FGF12: variants seen among roughly 807,000 people sequenced by gnomAD.
The protein encoded by FGF12 is fibroblast growth factor 12.
Under a neutral mutation model 23.6 loss-of-function variants are expected in FGF12, and 14 were observed. The ratio of observed to expected loss-of-function variants is 0.59; its 90% confidence interval spans 0.39 to 0.93. The LOEUF (loss-of-function observed/expected upper bound fraction) is 0.93. Among genes scored for constraint, FGF12 ranks in the 40% least tolerant of loss-of-function variants. The probability of loss-of-function intolerance (pLI) is 0.00; values close to 1 mark genes in which losing one functional copy is unlikely to be tolerated. For missense variants in FGF12, 175 were observed against 217.8 expected (o/e 0.80, Z 1.24); for synonymous variants, 62 against 77.3 (o/e 0.80, Z 1.04).
At chr3:192,492,862 A>T (rs544616491) in intron 2 of FGF12, among the ~76,000 whole-genome samples, 1 of 151,848 alleles carries the variant, frequency 6.6e-6, no homozygotes, top group Non-Finnish European at 1.5e-5. Flanking sequence ...AATTTTTCCA[A>T]TTTATACACA....
chr3:192,491,785 T>C (rs1039541902), intron 2 of FGF12, among the ~76,000 whole-genome samples: 3 of 152,182 alleles, frequency 2.0e-5, no homozygotes, highest in Non-Finnish European at 4.4e-5. Flanking sequence ...TATTGTACAA[T>C]ACACTAGAGT....
intron 2 of FGF12, among the ~76,000 whole-genome samples, chr3:192,637,217 C>T (rs1715614881): frequency 6.6e-6 from 1 of 152,178 alleles, no homozygotes; most frequent in Non-Finnish European, 1.5e-5. Context: ...GCTTCTATGG[C>T]CCTCTTCTCA....
chr3:192,658,393 C>T (rs1175182231), intron 2 of FGF12, among the ~76,000 whole-genome samples: 1 of 152,186 alleles, frequency 6.6e-6, no homozygotes, highest in African/African-American at 2.4e-5. Context: ...CTTGTGAGAA[C>T]GTTCCCTTGG....
At chr3:192,170,264 A>T (rs1270932571) in intron 5 of FGF12, among the ~76,000 whole-genome samples, 194 bp downstream of exon 5, 1 of 141,062 alleles carries the variant, frequency 7.1e-6, no homozygotes, top group East Asian at 2.0e-4. Flanking sequence ...TGGGCGACAG[A>T]GCAAGACTCT....
At chr3:192,412,278 G>C (rs1721222443) in intron 2 of FGF12, among the ~76,000 whole-genome samples, 1 of 152,142 alleles carries the variant, frequency 6.6e-6, no homozygotes. Flanking sequence ...TTTTTCTGTA[G>C]GTTTATGAGA....
At chr3:192,266,107 G>T (rs960377616) in intron 4 of FGF12, among the ~76,000 whole-genome samples, 1 of 150,442 alleles carries the variant, frequency 6.6e-6, no homozygotes, top group Admixed American at 6.7e-5. Context: ...CTGGTCCTTC[G>T]AAGGCAAAAC....
chr3:192,483,902 T>C (rs976433364), intron 2 of FGF12, among the ~76,000 whole-genome samples: 1 of 152,164 alleles, frequency 6.6e-6, no homozygotes, highest in Non-Finnish European at 1.5e-5. Context: ...AACAGGCGTA[T>C]TGCTGTACAT....
intron 2 of FGF12, among the ~76,000 whole-genome samples, chr3:192,389,181 G>A (rs879566398): frequency 7.9e-5 from 12 of 152,100 alleles, no homozygotes; most frequent in Non-Finnish European, 1.3e-4. Context: ...GCAACATGGC[G>A]AAACCCCATC....
intron 4 of FGF12, among the ~76,000 whole-genome samples, chr3:192,306,863 T>C (rs139346650): frequency 3.1e-4 from 47 of 152,344 alleles, no homozygotes; most frequent in African/African-American, 1.1e-3. Context: ...TCTCATAAAA[T>C]GGGGTTGAAC....
rs368362268 is a variant in FGF12, at chr3:192,477,809, C to T, written c.14-117271G>A. Among the ~76,000 whole-genome samples the T allele has an allele frequency of 1.9e-3, 296 of 152,288 alleles. 1 individual carries two copies. The highest frequency in any genetic ancestry group is 3.4e-3 in the Middle Eastern group (1 of 294). On this transcript the variant is annotated intron_variant, in intron 2 of 5. Coordinates refer to ENST00000445105, the MANE Select transcript of FGF12 (RefSeq NM_004113.6). ...ATATTTATAATGATAGTTTAATATG[C>T]TGTTTGATCAATTATTCTTTCAGGT...
intron 2 of FGF12, among the ~76,000 whole-genome samples, chr3:192,664,697 G>A (rs62294783): frequency 0.085 from 12,947 of 151,692 alleles, 746 homozygotes; most frequent in African/African-American, 0.16. Flanking sequence ...CCTGGGAGGC[G>A]GAGGTTGCAG....
At chr3:192,714,009 G>T (rs910400627) in intron 2 of FGF12, among the ~76,000 whole-genome samples, 1 of 152,162 alleles carries the variant, frequency 6.6e-6, no homozygotes, top group South Asian at 2.1e-4. Context: ...AAACCCCATG[G>T]CGATGATTTC....
chr3:192,289,935 ATCTT>A (rs1352573086), intron 4 of FGF12, among the ~76,000 whole-genome samples: 1 of 152,160 alleles, frequency 6.6e-6, no homozygotes, highest in Admixed American at 6.6e-5. Context: ...AGGTTTTATC[ATCTT>A]TCTCTTATGG....
rs1340412389 is a variant in FGF12 at position 192,698,626 on chromosome 3, A to ACAG, written c.13+28552_13+28554dup. ...CAATTCCATTAAACCTTACTCACTG[A>ACAG]CAGTGGGAAGAAGACAAAATACAAA... On this transcript the variant is annotated intron_variant, in intron 2 of 5. Coordinates refer to ENST00000445105, the MANE Select transcript of FGF12 (RefSeq NM_004113.6). Among the ~76,000 whole-genome samples, 4 of 152,154 alleles carry ACAG rather than the reference A, an allele frequency of 2.6e-5. No homozygotes were observed. In the East Asian group the frequency reaches 7.7e-4, roughly 29 times the overall value.
intron 2 of FGF12, among the ~76,000 whole-genome samples, chr3:192,647,554 T>C (rs1015222240): frequency 1.3e-5 from 2 of 151,840 alleles, no homozygotes; most frequent in African/African-American, 2.4e-5. Flanking sequence ...AGTGGACTTA[T>C]CAATTTTTCA....
intron 4 of FGF12, among the ~76,000 whole-genome samples, chr3:192,223,552 C>T (rs577318448): frequency 5.3e-5 from 8 of 152,214 alleles, no homozygotes; most frequent in African/African-American, 1.7e-4. Context: ...ATGATGGTGA[C>T]CATACATCCA....
At chr3:192,640,561 T>C (rs13089953) in intron 2 of FGF12, among the ~76,000 whole-genome samples, 3,516 of 152,266 alleles carry the variant, frequency 0.023, 48 homozygotes, top group Middle Eastern at 0.065. Context: ...CGTTATTTTA[T>C]AGGAGGAAAA....
chr3:192,326,668 C>T (rs1306839532), intron 4 of FGF12, among the ~76,000 whole-genome samples: 2 of 152,166 alleles, frequency 1.3e-5, no homozygotes, highest in Non-Finnish European at 2.9e-5. Flanking sequence ...GTAATAAAGC[C>T]ATCACAAACA....
In FGF12 at chr3:192,727,282, C is replaced by CTGA; in HGVS notation, c.-92_-90dup. 2 of 1,552,734 alleles carry CTGA rather than the reference C, an allele frequency of 1.3e-6. No individual in the cohort carries two copies. Among genetic ancestry groups the CTGA allele is most frequent in the Non-Finnish European group, 1.7e-6 (2 of 1,147,562 alleles). ...AGATTCCCAAATCTGGGAAGCCAAT[C>CTGA]TGATGATTTCGCCCGTACTTCCTTC... is the stretch of plus-strand genomic sequence containing the variant. On this transcript the variant is annotated 5_prime_UTR_variant, in exon 2 of 6. Coordinates refer to ENST00000445105, the MANE Select transcript of FGF12 (RefSeq NM_004113.6).
Sources: allele counts gnomAD v4.1 joint callset (sites outside exome capture counted in the v4.1 genomes callset), GRCh38; gene constraint gnomAD v4.1.1; transcripts MANE v1.5; gene names NCBI Gene and HGNC (gene_info 2026-07-23, HGNC 2026-07-21).